The following ZMIZ1 variants were observed in gnomAD, a reference collection of about 807,000 sequenced individuals.
ZMIZ1 encodes zinc finger MIZ-type containing 1, also known as zinc finger MIZ domain-containing protein 1.
Under a neutral mutation model 113.9 loss-of-function variants are expected in ZMIZ1, and 17 were observed. The ratio of observed to expected loss-of-function variants is 0.15; its 90% CI spans 0.10 to 0.22. The LOEUF (loss-of-function observed/expected upper bound fraction) is 0.22. Among genes scored for constraint, ZMIZ1 ranks in the 10% least tolerant of loss-of-function variants. The probability of loss-of-function intolerance (pLI) is 1.00; values close to 1 mark genes in which losing one functional copy is unlikely to be tolerated. For synonymous variants in ZMIZ1, 607 were observed against 603.1 expected, an observed-to-expected ratio of 1.01 and a Z score of -0.09; for missense variants, 1,059 against 1,477.8, an observed-to-expected ratio of 0.72 and a Z score of 4.65.
intron 4 of ZMIZ1, among the ~76,000 whole-genome samples, chr10:79,177,729 G>GTT (rs1046858664): frequency 2.0e-5 from 3 of 152,260 alleles, no homozygotes; most frequent in African/African-American, 7.2e-5. Flanking sequence ...CACACATTTA[G>GTT]TGGAAGTGAC....
In ZMIZ1 at chr10:79,114,504, TGC is replaced by T. The variant is rs1554852473; in HGVS notation, c.-336-4409_-336-4408del. 3.9e-3 allele frequency among the ~76,000 whole-genome samples: 297 copies of T among 76,820 alleles called. 3 individuals carry two copies. The highest frequency in any genetic ancestry group is 0.014 in the African/African-American group (248 of 18,204). 50.4% of individuals were successfully genotyped at this position (76,820 alleles called of 152,430 possible). On this transcript the variant is annotated intron_variant, in intron 1 of 24. Coordinates refer to ENST00000334512, the MANE Select transcript of ZMIZ1 (RefSeq NM_020338.4). Reference sequence around the variant, plus strand: ...GTGTGTGTGTGTGTGCGTGTGTGTGTGCGTGTGTGTGTGTGTGTGTGTGTGTG... The same window carrying T: ...GTGTGTGTGTGTGTGCGTGTGTGTGTGTGTGTGTGTGTGTGTGTGTGTGTG...
At chr10:79,178,621 G>T (rs111258285) in intron 4 of ZMIZ1, among the ~76,000 whole-genome samples, 10 of 152,260 alleles carry the variant, frequency 6.6e-5, no homozygotes, top group African/African-American at 2.4e-4. Context: ...TCTCCTCCTG[G>T]TGGGTTCATG....
intron 1 of ZMIZ1, among the ~76,000 whole-genome samples, chr10:79,075,578 T>TGCACACCTGCACACATAC (rs1430874471): frequency 7.0e-6 from 1 of 143,514 alleles, no homozygotes; most frequent in African/African-American, 2.9e-5. Context: ...TGCACACACA[T>TGCACACCTGCACACATAC]GCACACATGC....
chr10:79,111,488 C>G (rs2486696), intron 1 of ZMIZ1, among the ~76,000 whole-genome samples: 152,232 of 152,318 alleles, frequency 1, 76,073 homozygotes, highest in Middle Eastern at 1. Flanking sequence ...CAGAGTCTTT[C>G]CTCTCGATGG....
intron 1 of ZMIZ1, among the ~76,000 whole-genome samples, chr10:79,107,242 CTCAT>C (rs1843592440): frequency 6.6e-6 from 1 of 152,346 alleles, no homozygotes; most frequent in South Asian, 2.1e-4. Context: ...CTATTTAAGC[CTCAT>C]TCATTCAGTC....
At chr10:79,264,621 A>G (rs1210992251) in intron 7 of ZMIZ1, among the ~76,000 whole-genome samples, 5 of 152,194 alleles carry the variant, frequency 3.3e-5, no homozygotes, top group African/African-American at 1.2e-4. Context: ...TCAGGTGTGC[A>G]CTGAGGCACA....
chr10:79,249,527 C>G (rs942909474), intron 7 of ZMIZ1, among the ~76,000 whole-genome samples: 2 of 152,222 alleles, frequency 1.3e-5, no homozygotes, highest in Non-Finnish European at 2.9e-5. Flanking sequence ...GGGTGCCTGC[C>G]TTTCTTGAGG....
chr10:79,298,830 G>A (rs569190100), intron 15 of ZMIZ1, among the ~76,000 whole-genome samples: 7 of 152,218 alleles, frequency 4.6e-5, no homozygotes, highest in Non-Finnish European at 7.4e-5. Context: ...GCAAGGAGGC[G>A]GGTGGAAGAA....
intron 1 of ZMIZ1, among the ~76,000 whole-genome samples, chr10:79,110,342 G>A (rs1365863898): frequency 6.6e-6 from 1 of 152,190 alleles, no homozygotes; most frequent in African/African-American, 2.4e-5. Flanking sequence ...CGATACCGGT[G>A]GCCACTCGGT....
intron 1 of ZMIZ1, among the ~76,000 whole-genome samples, chr10:79,107,826 G>C (rs1191830072): frequency 6.6e-6 from 1 of 152,224 alleles, no homozygotes; most frequent in East Asian, 1.9e-4. Flanking sequence ...GGGCTCTGCT[G>C]TAGGGTGGAG....
At chr10:79,208,952 T>G (rs1364012271) in intron 6 of ZMIZ1, among the ~76,000 whole-genome samples, 1 of 152,142 alleles carries the variant, frequency 6.6e-6, no homozygotes, top group Non-Finnish European at 1.5e-5. Context: ...CCAGGGAAAC[T>G]GAAGATGAAT....
intron 3 of ZMIZ1, among the ~76,000 whole-genome samples, chr10:79,144,894 ACCT>A (rs1845418561): frequency 6.8e-6 from 1 of 146,958 alleles, no homozygotes; most frequent in African/African-American, 2.5e-5. Flanking sequence ...CAAGGCCCTG[ACCT>A]CCTCTCTGCT....
At chr10:79,268,603 G>T (rs929350099) in intron 7 of ZMIZ1, among the ~76,000 whole-genome samples, 2 of 152,230 alleles carry the variant, frequency 1.3e-5, no homozygotes, top group African/African-American at 4.8e-5. Flanking sequence ...GGGTGCCAGG[G>T]TTGTAGAAGT....
intron 1 of ZMIZ1, among the ~76,000 whole-genome samples, chr10:79,107,650 G>T (rs1843608538): frequency 6.6e-6 from 1 of 152,210 alleles, no homozygotes; most frequent in South Asian, 2.1e-4. Context: ...CTACTCGGAG[G>T]CATTCAGAAA....
At chr10:79,270,118 C>T (rs150054810) in intron 7 of ZMIZ1, among the ~76,000 whole-genome samples, 1 of 152,340 alleles carries the variant, frequency 6.6e-6, no homozygotes, top group Non-Finnish European at 1.5e-5. Context: ...CTGGGGAGGG[C>T]ACGCCTGAGC....
At chr10:79,309,298 GGCACAGCT>G (rs1234386227) in intron 23 of ZMIZ1, among the ~76,000 whole-genome samples, 1 of 152,218 alleles carries the variant, frequency 6.6e-6, no homozygotes, top group Non-Finnish European at 1.5e-5. Flanking sequence ...GAAGCTGAGG[GGCACAGCT>G]GCCTCTGAAG....
chr10:79,293,606 C>T lies in ZMIZ1; in HGVS notation c.1183C>T (p.Pro395Ser). 6.2e-7 allele frequency: 1 copy of T among 1,613,144 alleles called. No homozygotes were observed. Among genetic ancestry groups the T allele is most frequent in the Non-Finnish European group, 8.5e-7 (1 of 1,180,028 alleles). Residue 395 changes from proline to serine, a missense_variant, in exon 12 of 25, where the codon CCC (proline) becomes TCC (serine). Physicochemically the swap from Pro to Ser is moderately conservative, Grantham distance 74 (BLOSUM62 -1). This residue lies in a region of ZMIZ1 where 239 missense variants were observed against 247.5 expected (regional missense o/e 0.97). Coordinates refer to ENST00000334512, the MANE Select transcript of ZMIZ1 (RefSeq NM_020338.4). ...MPQQTYPGPRPQSLPIQNIKR... is the reference protein window; with the variant it reads ...MPQQTYPGPRSQSLPIQNIKR... ...CCAGCAGACCTACCCGGGCCCCCGG[C>T]CCCAGTCCCTTCCTATTCAGAACAT...
chr10:79,082,542 T>C (rs1441379868), intron 1 of ZMIZ1, among the ~76,000 whole-genome samples: 1 of 152,206 alleles, frequency 6.6e-6, no homozygotes, highest in Non-Finnish European at 1.5e-5. Context: ...TTAATGCCCT[T>C]CTCATCCCAT....
chr10:79,296,592 C>G lies in ZMIZ1; in HGVS notation c.1352C>G (p.Pro451Arg). 10 of 1,612,420 alleles carry G rather than the reference C, an allele frequency of 6.2e-6. No homozygotes were observed. The highest frequency in any genetic ancestry group is 8.5e-6 in the Non-Finnish European group (10 of 1,179,068). The change falls in exon 13 of 25, where the codon CCC becomes CGC. Residue 451 changes from proline to arginine, a missense_variant. By Grantham distance (103) the Pro-to-Arg change is moderately radical. Transcript: ENST00000334512. This position sits in a 1 kb window ranked among gnomAD's most constrained non-coding sequence, Gnocchi z 4.1. The part of the protein sequence containing the change: ...TSPNYPGQRM[P>R]SQPSSGQYPP... ...CCCAACTACCCAGGACAGAGGATGCCCAGCCAGCCGAGCTCCGGGCAGTAC... is the reference window on the plus strand; with the variant it reads ...CCCAACTACCCAGGACAGAGGATGCGCAGCCAGCCGAGCTCCGGGCAGTAC...
Sources: gnomAD v4.1 joint callset for allele counts (sites outside exome capture counted in the v4.1 genomes callset) on GRCh38, gnomAD v4.1.1 for gene constraint, gnomAD v4.1.1 regional missense constraint, Gnocchi (gnomAD v3.1) non-coding constraint, MANE v1.5 for transcripts, NCBI Gene and HGNC (gene_info 2026-07-23, HGNC 2026-07-21) for gene names.